The following ITPR1 variants were observed in gnomAD, a reference collection of about 807,000 sequenced individuals.
The protein encoded by ITPR1 is inositol 1,4,5-trisphosphate-gated calcium channel ITPR1.
In ITPR1, 96 loss-of-function variants were observed where a neutral mutation model predicts 318.4. That is an observed-to-expected ratio of 0.30 (90% CI 0.26 to 0.36). ITPR1 has a LOEUF of 0.36. ITPR1 is among the 10% of genes least tolerant of loss of function. ITPR1 has a pLI of 1.00. For missense variants in ITPR1, 2,440 were observed against 3,460.2 expected (o/e 0.71, Z 7.40); for synonymous variants, 1,312 against 1,289.9 (o/e 1.02, Z -0.37).
At chr3:4,801,767 A>G (rs1164956025) in intron 54 of ITPR1, among the ~76,000 whole-genome samples, 2 of 152,140 alleles carry the variant, frequency 1.3e-5, no homozygotes, top group Non-Finnish European at 2.9e-5. Context: ...CCATCTCAAA[A>G]ATAAATAAAT....
Position 4,652,269 on chromosome 3 carries a change from G to A in ITPR1, c.951+51G>A, listed in dbSNP as rs28592010. 177,531 of 1,290,422 alleles carry A rather than the reference G, an allele frequency of 0.14. 13,724 individuals are homozygous for A. Among genetic ancestry groups the A allele is most frequent in the African/African-American group, 0.23 (15,889 of 68,400 alleles). The allele number at this position is 1,290,422 out of a possible 1,614,324, so 79.9% of individuals were successfully genotyped here. A position where few individuals can be genotyped will look rare whatever the true frequency, so the allele number is the denominator to read the frequency against. On this transcript the variant is annotated intron_variant, in intron 11 of 61. Transcript: ENST00000649015. ...TCTTTCAAGGCTGACGCACCTCACCGCCTTTCCTCATTCGCCTGTAGCCGT... is the reference window on the plus strand; with the variant it reads ...TCTTTCAAGGCTGACGCACCTCACCACCTTTCCTCATTCGCCTGTAGCCGT...
chr3:4,744,986 CCTCCTTCT>C lies in ITPR1; in HGVS notation c.5544+9643_5544+9650del, dbSNP rs1222831829. 1.1e-4 allele frequency among the ~76,000 whole-genome samples: 16 copies of C among 139,394 alleles called. No homozygotes were observed. The East Asian group carries it at 2.3e-3, about 20-fold the overall frequency. 91.4% of individuals were successfully genotyped at this position (139,394 alleles called of 152,430 possible). A position where few individuals can be genotyped will look rare whatever the true frequency, so the allele number is the denominator to read the frequency against. On this transcript the variant is annotated intron_variant, in intron 44 of 61. Coordinates refer to ENST00000649015, the MANE Select transcript of ITPR1 (RefSeq NM_001378452.1). ...CTTCCTTCCTTCGTTCCCCTCTTTC[CCTCCTTCT>C]CTCCTTCTCTTTCCTTCCTTCCTCC...
Position 4,780,866 on chromosome 3 carries a change from C to T in ITPR1, c.6387+1221C>T, listed in dbSNP as rs567300971. On this transcript the variant is annotated intron_variant, in intron 49 of 61. Transcript: ENST00000649015. ...CAGGAATCAAGAACATGCCCCAGCT[C>T]TCTGACCTATCTCAGGTGGGGAAAA... Among the ~76,000 whole-genome samples, 7 of 152,322 alleles carry T rather than the reference C, an allele frequency of 4.6e-5. No homozygotes were observed. In the South Asian group the frequency reaches 1.2e-3, roughly 27 times the overall value.
At chr3:4,677,215 A>G (rs762986254) in intron 24 of ITPR1, among the ~76,000 whole-genome samples, 2 of 152,162 alleles carry the variant, frequency 1.3e-5, no homozygotes, top group Non-Finnish European at 2.9e-5. Context: ...ATTTATTGAG[A>G]CCAACTCTGT....
intron 44 of ITPR1, among the ~76,000 whole-genome samples, chr3:4,748,221 C>A (rs1392750310): frequency 6.6e-6 from 1 of 152,306 alleles, no homozygotes; most frequent in South Asian, 2.1e-4. Flanking sequence ...AGCTTTCTCC[C>A]ATGCTAGCCA....
rs76387046 is a variant in ITPR1 at position 4,743,183 on chromosome 3, C to T, written c.5544+7829C>T. On this transcript the variant is annotated intron_variant, in intron 44 of 61. Coordinates refer to ENST00000649015, the MANE Select transcript of ITPR1 (RefSeq NM_001378452.1). ...TTTCCTTTCTTTCCCTCCTTCTCTT[C>T]CTTTCCTCCTACTTTATCTGCCTTT... Among the ~76,000 whole-genome samples the T allele has an allele frequency of 5.4e-3, 823 of 152,368 alleles. 1 individual carries two copies. The highest frequency in any genetic ancestry group is 0.01 in the Middle Eastern group (3 of 294).
chr3:4,697,444 A>T (rs2094577928), intron 34 of ITPR1, among the ~76,000 whole-genome samples, 172 bp downstream of exon 34: 2 of 85,450 alleles, frequency 2.3e-5, no homozygotes, highest in Non-Finnish European at 2.8e-5. Context: ...CTTCTCATGT[A>T]TCCTTTCTTC....
At chr3:4,695,747 C>T (rs1365939302) in intron 33 of ITPR1, among the ~76,000 whole-genome samples, 2 of 152,168 alleles carry the variant, frequency 1.3e-5, no homozygotes, top group East Asian at 1.9e-4. Flanking sequence ...TATGTAGCTG[C>T]GTTCATTTCC....
At chr3:4,557,647 T>C (rs147201501) in intron 4 of ITPR1, among the ~76,000 whole-genome samples, 2 of 152,366 alleles carry the variant, frequency 1.3e-5, no homozygotes, top group Admixed American at 1.3e-4. Flanking sequence ...AAGGATTATA[T>C]ATTTCTTTAG....
At chr3:4,811,174 C>T (rs1038383905) in intron 55 of ITPR1, 91 bp from the exon 56 acceptor site, 12 of 866,818 alleles carry the variant, frequency 1.4e-5, no homozygotes, top group Middle Eastern at 2.4e-4. Context: ...TCTAAGAGGG[C>T]AAACTCTCTA....
rs560958514 is a variant in ITPR1, at chr3:4,556,090, A to AT, written c.163+35002dup. On this transcript the variant is annotated intron_variant, in intron 4 of 61. Transcript: ENST00000649015. ...ATAGAAATAGAATTATCAAAGAAAC[A>AT]TTTTTTCTAATTTAGTTAAAAAACT... 1.8e-4 allele frequency among the ~76,000 whole-genome samples: 28 copies of AT among 152,234 alleles called. 1 individual carries two copies. The South Asian group carries it at 3.5e-3, about 19-fold the overall frequency.
intron 4 of ITPR1, among the ~76,000 whole-genome samples, chr3:4,568,835 C>T (rs762141842): frequency 4.6e-5 from 7 of 151,998 alleles, no homozygotes; most frequent in Non-Finnish European, 8.8e-5. Context: ...TGAGACTGGG[C>T]AATTTATAAA....
At chr3:4,667,906 A>T (rs2093985561) in intron 18 of ITPR1, among the ~76,000 whole-genome samples, 1 of 152,176 alleles carries the variant, frequency 6.6e-6, no homozygotes, top group African/African-American at 2.4e-5. Context: ...TTCACTTTTT[A>T]AAAAATGTTC....
intron 60 of ITPR1, among the ~76,000 whole-genome samples, chr3:4,834,269 A>G (rs936112937): frequency 1.3e-5 from 2 of 152,182 alleles, no homozygotes; most frequent in Admixed American, 6.5e-5. Flanking sequence ...TCTATCACAT[A>G]CTTAGGTATC....
intron 6 of ITPR1, 24 bp downstream of exon 6, chr3:4,639,494 T>G: frequency 1.3e-6 from 2 of 1,505,106 alleles, no homozygotes; most frequent in Non-Finnish European, 1.8e-6. Context: ...GCTCTTCCCT[T>G]CTGAAGCTGA....
chr3:4,749,499 G>A (rs1235930100), intron 44 of ITPR1: 1 of 152,086 alleles, frequency 6.6e-6, no homozygotes, highest in Non-Finnish European at 1.5e-5. Context: ...TGCTTAAGTG[G>A]GGCCTCCATA....
chr3:4,502,652 G>C (rs2081106571), intron 2 of ITPR1, among the ~76,000 whole-genome samples: 3 of 151,784 alleles, frequency 2.0e-5, no homozygotes, highest in Non-Finnish European at 4.4e-5. Flanking sequence ...TGTTGGCCAG[G>C]ATTGTCTCGA....
intron 52 of ITPR1, among the ~76,000 whole-genome samples, chr3:4,794,627 C>G (rs2047778203): frequency 6.6e-6 from 1 of 152,150 alleles, no homozygotes; most frequent in Non-Finnish European, 1.5e-5. Flanking sequence ...GCTGTATCTC[C>G]CCCACCCCTC....
At chr3:4,613,682 T>A (rs1017090347) in intron 4 of ITPR1, among the ~76,000 whole-genome samples, 1 of 152,174 alleles carries the variant, frequency 6.6e-6, no homozygotes, top group African/African-American at 2.4e-5. Flanking sequence ...CAGTGCAAAT[T>A]GGACATTGTT....
Sources: allele counts gnomAD v4.1 joint callset (sites outside exome capture counted in the v4.1 genomes callset), GRCh38; gene constraint gnomAD v4.1.1; transcripts MANE v1.5; gene names NCBI Gene and HGNC (gene_info 2026-07-23, HGNC 2026-07-21).